SAMTOR: variants seen among roughly 807,000 people sequenced by gnomAD.
SAMTOR encodes the protein UPF0532 protein C7orf60.
At chr7:112,894,940 A>C in the SAMTOR span, among the ~76,000 whole-genome samples, 2 of 152,212 alleles carry the variant, frequency 1.3e-5, no homozygotes, top group East Asian at 3.8e-4. Flanking sequence ...GCAATAAATA[A>C]GTTATGCCTG....
chr7:112,862,711 C>T, the SAMTOR span, among the ~76,000 whole-genome samples: 1 of 152,050 alleles, frequency 6.6e-6, no homozygotes, highest in Non-Finnish European at 1.5e-5. Flanking sequence ...GGTGGATCAC[C>T]TGAGGTCAGG....
At chr7:112,890,816 G>A in the SAMTOR span, among the ~76,000 whole-genome samples, 6 of 151,578 alleles carry the variant, frequency 4.0e-5, no homozygotes, top group African/African-American at 9.7e-5. Flanking sequence ...TTAGCCTCCC[G>A]AGTAGCTAGG....
the SAMTOR span, among the ~76,000 whole-genome samples, chr7:112,829,515 C>T: frequency 2.0e-5 from 3 of 152,136 alleles, no homozygotes; most frequent in Non-Finnish European, 2.9e-5. Flanking sequence ...TCATTGTTGG[C>T]TGATTTATCT....
At chr7:112,853,556 G>A in the SAMTOR span, among the ~76,000 whole-genome samples, 2 of 152,128 alleles carry the variant, frequency 1.3e-5, no homozygotes, top group African/African-American at 4.8e-5. Flanking sequence ...TGTTAAGAAA[G>A]AGCTGTAATT....
At chr7:112,853,905 AG>A in the SAMTOR span, among the ~76,000 whole-genome samples, 1 of 152,176 alleles carries the variant, frequency 6.6e-6, no homozygotes, top group African/African-American at 2.4e-5. Context: ...TGAGAAAAAT[AG>A]GTTTCTATTT....
the SAMTOR span, among the ~76,000 whole-genome samples, chr7:112,933,409 A>G: frequency 6.6e-6 from 1 of 152,234 alleles, no homozygotes; most frequent in African/African-American, 2.4e-5. Flanking sequence ...AAAACTATCA[A>G]TGAAGAAATT....
the SAMTOR span, among the ~76,000 whole-genome samples, chr7:112,923,401 C>T: frequency 1.3e-5 from 2 of 152,116 alleles, no homozygotes; most frequent in African/African-American, 4.8e-5. Flanking sequence ...TGTTTATCTG[C>T]TGACCTTCCC....
the SAMTOR span, among the ~76,000 whole-genome samples, chr7:112,826,179 A>G: frequency 1.3e-5 from 2 of 152,182 alleles, no homozygotes; most frequent in Non-Finnish European, 2.9e-5. Context: ...TAATGGCCTC[A>G]TAGAATGAGT....
chr7:112,830,850 T>C, the SAMTOR span, among the ~76,000 whole-genome samples: 5 of 151,920 alleles, frequency 3.3e-5, no homozygotes, highest in African/African-American at 1.2e-4. Context: ...AGGCACTGTA[T>C]AAGAGCTACT....
At chr7:112,860,819 G>A in the SAMTOR span, among the ~76,000 whole-genome samples, 6 of 151,458 alleles carry the variant, frequency 4.0e-5, no homozygotes, top group African/African-American at 1.5e-4. Context: ...GGCTGGGACA[G>A]GAGAATGGCG....
the SAMTOR span, among the ~76,000 whole-genome samples, chr7:112,901,816 G>A: frequency 6.6e-6 from 1 of 152,190 alleles, no homozygotes; most frequent in Non-Finnish European, 1.5e-5. Flanking sequence ...CTTATCAAGT[G>A]CTGATGAGAA....
the SAMTOR span, among the ~76,000 whole-genome samples, chr7:112,889,802 C>T: frequency 3.3e-5 from 5 of 152,276 alleles, no homozygotes; most frequent in South Asian, 1.0e-3. Flanking sequence ...TGGAGCTGCT[C>T]TCACCACCCC....
the SAMTOR span, among the ~76,000 whole-genome samples, chr7:112,890,847 CA>C: frequency 6.6e-6 from 1 of 152,026 alleles, no homozygotes; most frequent in Non-Finnish European, 1.5e-5. Flanking sequence ...CATGCCACTA[CA>C]CCTGGCTTTT....
the SAMTOR span, among the ~76,000 whole-genome samples, chr7:112,933,032 G>A: frequency 1.3e-5 from 2 of 152,198 alleles, no homozygotes; most frequent in African/African-American, 2.4e-5. Flanking sequence ...GGTGGGGGAA[G>A]GAAGAGGGGC....
the SAMTOR span, among the ~76,000 whole-genome samples, chr7:112,917,910 A>G: frequency 6.6e-6 from 1 of 152,196 alleles, no homozygotes; most frequent in African/African-American, 2.4e-5. Context: ...AAAGAATAAA[A>G]AGAAATGAAC....
the SAMTOR span, among the ~76,000 whole-genome samples, chr7:112,850,340 C>A: frequency 6.6e-6 from 1 of 152,142 alleles, no homozygotes. Flanking sequence ...CTATGTTCAC[C>A]ATGGATACTG....
the SAMTOR span, among the ~76,000 whole-genome samples, chr7:112,839,199 A>G: frequency 6.6e-6 from 1 of 151,844 alleles, no homozygotes; most frequent in Admixed American, 6.6e-5. Flanking sequence ...CATTGGCCTA[A>G]TTTGGGATGA....
the SAMTOR span, among the ~76,000 whole-genome samples, chr7:112,922,436 G>T: frequency 6.6e-6 from 1 of 151,866 alleles, no homozygotes; most frequent in African/African-American, 2.4e-5. Context: ...GATGTGAGGA[G>T]CCCCTCTGCC....
the SAMTOR span, chr7:112,915,199 T>C: frequency 1.9e-5 from 20 of 1,077,336 alleles, no homozygotes; most frequent in Non-Finnish European, 2.2e-5. Context: ...GATCACGCCA[T>C]GCACTCCAGC....
Sources: gnomAD v4.1 joint callset for allele counts (sites outside exome capture counted in the v4.1 genomes callset) on GRCh38, gnomAD v4.1.1 for gene constraint, MANE v1.5 for transcripts, NCBI Gene and HGNC (gene_info 2026-07-23, HGNC 2026-07-21) for gene names.